AMPH: variants seen among roughly 807,000 people sequenced by gnomAD.
AMPH encodes the protein amphiphysin (Stiff-Mann syndrome with breast cancer 128kD autoantigen).
A neutral mutation model predicts 99.1 loss-of-function variants in AMPH; 49 were observed. The observed-to-expected ratio is 0.49, with a 90% CI of 0.39 to 0.63. The LOEUF (loss-of-function observed/expected upper bound fraction) is 0.63, where lower values mean the gene tolerates loss of function less well. Ranked by LOEUF, AMPH falls within the 20% of genes least tolerant of loss-of-function variation. AMPH has a pLI of 0.00. For missense variants in AMPH, 759 were observed against 863.4 expected (o/e 0.88, Z 1.52); for synonymous variants, 314 against 317.3 (o/e 0.99, Z 0.11).
intron 11 of AMPH, among the ~76,000 whole-genome samples, chr7:38,451,316 C>CACATATATACACATGTATATAT (rs1218037917): frequency 7.5e-6 from 1 of 133,946 alleles, no homozygotes; most frequent in Non-Finnish European, 1.5e-5. Context: ...TGTGTATATA[C>CACATATATACACATGTATATAT]ACATATATAC....
At chr7:38,386,051 A>G (rs1784340230) in intron 20 of AMPH, among the ~76,000 whole-genome samples, 1 of 152,190 alleles carries the variant, frequency 6.6e-6, no homozygotes, top group African/African-American at 2.4e-5. Flanking sequence ...CTTTTGATAT[A>G]ATCTGAGACT....
In AMPH at chr7:38,505,424, T is replaced by C. The variant is rs1191119430; in HGVS notation, c.151-1720A>G. On this transcript the variant is annotated intron_variant, in intron 2 of 20. Transcript: ENST00000356264. ...TAGGATGAGTCCATTTGCTGGCACG[T>C]ATGAACTTCAAACAGAATGGTTCTA... is the stretch of plus-strand genomic sequence containing the variant. Among the ~76,000 whole-genome samples, 5 of 152,200 alleles carry C rather than the reference T, an allele frequency of 3.3e-5. No individual in the cohort carries two copies. In the East Asian group the frequency reaches 7.7e-4, roughly 23 times the overall value.
At chr7:38,445,072 T>TAC (rs144895014) in intron 11 of AMPH, among the ~76,000 whole-genome samples, 7 of 136,672 alleles carry the variant, frequency 5.1e-5, no homozygotes, top group Admixed American at 7.6e-5. Flanking sequence ...CATATATATA[T>TAC]ACACATATAT....
chr7:38,391,076 T>C (rs1022961457), intron 19 of AMPH, among the ~76,000 whole-genome samples: 1 of 151,672 alleles, frequency 6.6e-6, no homozygotes, highest in Non-Finnish European at 1.5e-5. Flanking sequence ...TAAAATCAAA[T>C]TTAAAAACTT....
At chr7:38,598,858 C>T (rs12154721) in intron 1 of AMPH, among the ~76,000 whole-genome samples, 22,793 of 151,982 alleles carry the variant, frequency 0.15, 2,257 homozygotes, top group Admixed American at 0.26. Context: ...ATTCCTTTCT[C>T]CTCCTGTCCT....
chr7:38,490,479 C>T (rs1426868122), intron 5 of AMPH, among the ~76,000 whole-genome samples: 1 of 152,112 alleles, frequency 6.6e-6, no homozygotes, highest in East Asian at 1.9e-4. Context: ...ATTCAAGGGT[C>T]AAATAAGATC....
At chr7:38,581,144 C>A (rs372238104) in intron 1 of AMPH, among the ~76,000 whole-genome samples, 7 of 152,008 alleles carry the variant, frequency 4.6e-5, no homozygotes, top group African/African-American at 1.7e-4. Context: ...GATTGTTCAG[C>A]TGTGGTTGGA....
chr7:38,472,100 C>T (rs893261189), intron 7 of AMPH, among the ~76,000 whole-genome samples: 1 of 152,074 alleles, frequency 6.6e-6, no homozygotes, highest in Non-Finnish European at 1.5e-5. Flanking sequence ...ATATAGTCAA[C>T]CTGAACCTCA....
chr7:38,486,816 A>T (rs1013603987), intron 5 of AMPH, among the ~76,000 whole-genome samples: 11 of 152,164 alleles, frequency 7.2e-5, no homozygotes, highest in African/African-American at 2.4e-4. Context: ...AATAGAATGA[A>T]AGATAAGAAT....
At chr7:38,390,106 A>G (rs562247271) in intron 19 of AMPH, among the ~76,000 whole-genome samples, 12 of 152,326 alleles carry the variant, frequency 7.9e-5, no homozygotes, top group African/African-American at 2.9e-4. Context: ...TAGTAATGCA[A>G]TGCCCTCTAC....
intron 19 of AMPH, 60 bp downstream of exon 19, chr7:38,391,688 C>T: frequency 1.3e-6 from 2 of 1,552,990 alleles, no homozygotes; most frequent in Non-Finnish European, 1.7e-6. Flanking sequence ...AAACCAAAGG[C>T]TTGAGCAAAA....
chr7:38,631,249 TCCCCGGCCCCAG>T lies in AMPH; in HGVS notation c.69+22_69+33del, dbSNP rs963109972. ...CCTCCGGCCAAGCCCCCGCCTGGCG[TCCCCGGCCCCAG>T]CCCCGGCCGCCCGCCGCTGACCTTT... is the stretch of plus-strand genomic sequence containing the variant. On this transcript the variant is annotated intron_variant, in intron 1 of 20. Coordinates refer to ENST00000356264, the MANE Select transcript of AMPH (RefSeq NM_001635.4). 8 of 1,501,924 alleles carry T rather than the reference TCCCCGGCCCCAG, an allele frequency of 5.3e-6. No homozygotes were observed. In the Admixed American group the frequency reaches 1.1e-4, roughly 20 times the overall value. 93.0% of individuals were successfully genotyped at this position (1,501,924 alleles called of 1,614,324 possible).
chr7:38,400,805 C>A (rs960713000), intron 17 of AMPH, among the ~76,000 whole-genome samples: 2 of 152,136 alleles, frequency 1.3e-5, no homozygotes, highest in African/African-American at 2.4e-5. Flanking sequence ...CGCAACTGGT[C>A]GGGATGAGAC....
At chr7:38,465,947 A>G (rs1431545442) in intron 8 of AMPH, among the ~76,000 whole-genome samples, 1 of 152,198 alleles carries the variant, frequency 6.6e-6, no homozygotes, top group Admixed American at 6.5e-5. Flanking sequence ...ACTGCCTGGT[A>G]AAAGAAACAA....
chr7:38,578,855 T>C (rs1273318337), intron 1 of AMPH, among the ~76,000 whole-genome samples: 1 of 150,818 alleles, frequency 6.6e-6, no homozygotes, highest in African/African-American at 2.5e-5. Context: ...TTAATGGTTT[T>C]TTCTTACATT....
intron 1 of AMPH, among the ~76,000 whole-genome samples, chr7:38,624,576 G>T (rs1794181312): frequency 6.7e-6 from 1 of 150,168 alleles, no homozygotes; most frequent in Non-Finnish European, 1.5e-5. Flanking sequence ...TTTAAAGGCA[G>T]TGCTTCACTG....
intron 1 of AMPH, among the ~76,000 whole-genome samples, chr7:38,580,406 C>T (rs1792402838): frequency 6.6e-6 from 1 of 152,074 alleles, no homozygotes; most frequent in Admixed American, 6.6e-5. Context: ...AACTGATTAC[C>T]TCCCAGATTA....
chr7:38,617,068 G>A (rs918103969), intron 1 of AMPH, among the ~76,000 whole-genome samples: 1 of 152,120 alleles, frequency 6.6e-6, no homozygotes, highest in Non-Finnish European at 1.5e-5. Flanking sequence ...GAAGCTGTAC[G>A]GCTAAGATTT....
At chr7:38,394,522 T>G (rs1784608464) in intron 17 of AMPH, among the ~76,000 whole-genome samples, 1 of 152,192 alleles carries the variant, frequency 6.6e-6, no homozygotes, top group Non-Finnish European at 1.5e-5. Context: ...GGTGGTCCTC[T>G]CCACAAGCTA....
Sources: allele counts gnomAD v4.1 joint callset (sites outside exome capture counted in the v4.1 genomes callset), GRCh38; gene constraint gnomAD v4.1.1; transcripts MANE v1.5; gene names NCBI Gene and HGNC (gene_info 2026-07-23, HGNC 2026-07-21).